The following TENM1 variants were observed in gnomAD, a reference collection of about 807,000 sequenced individuals.
The protein encoded by TENM1 is teneurin transmembrane protein 1, also known as teneurin-1.
Under a neutral mutation model 174.8 loss-of-function variants are expected in TENM1, and 35 were observed. The ratio of observed to expected loss-of-function variants is 0.20; its 90% CI spans 0.15 to 0.27. TENM1 has a LOEUF of 0.27. Ranked by LOEUF, TENM1 falls within the 10% of genes least tolerant of loss-of-function variation. The probability of loss-of-function intolerance (pLI) is 1.00; values close to 1 mark genes in which losing one functional copy is unlikely to be tolerated. For missense variants in TENM1, 1,633 were observed against 2,130.1 expected, an observed-to-expected ratio of 0.77 and a Z score of 4.59; for synonymous variants, 781 against 798.7, an observed-to-expected ratio of 0.98 and a Z score of 0.37.
chrX:124,553,797 G>C (rs1194732050), intron 14 of TENM1, among the ~76,000 whole-genome samples: 1 of 111,326 alleles, frequency 9.0e-6, no homozygotes, highest in Non-Finnish European at 1.9e-5. Context: ...GACTAGAACA[G>C]TACCTGGCTT....
intron 2 of TENM1, among the ~76,000 whole-genome samples, chrX:124,895,603 C>G (rs1381507441): frequency 4.5e-5 from 5 of 111,782 alleles, no homozygotes. Flanking sequence ...CTGTTCATCT[C>G]ACTGTTCATT....
At chrX:125,072,631 A>C in the TENM1 span, among the ~76,000 whole-genome samples, 30 of 111,755 alleles carry the variant, frequency 2.7e-4, no homozygotes, top group African/African-American at 9.4e-4. Context: ...CTTGGGAAAG[A>C]AATTGCACAC....
intron 28 of TENM1, 86 bp from the exon 32 acceptor site, chrX:124,386,150 C>G: frequency 3.3e-6 from 3 of 916,246 alleles, no homozygotes; most frequent in Non-Finnish European, 4.5e-6. Context: ...CCATTCAACA[C>G]AAATCAATCA....
At chrX:125,101,231 G>A in the TENM1 span, among the ~76,000 whole-genome samples, 2 of 111,855 alleles carry the variant, frequency 1.8e-5, no homozygotes, top group Non-Finnish European at 3.8e-5. Context: ...TTAACATGCA[G>A]TGTGTTGCCC....
At chrX:124,836,044 AG>A (rs1241927511) in intron 3 of TENM1, among the ~76,000 whole-genome samples, 2 of 111,981 alleles carry the variant, frequency 1.8e-5, no homozygotes, top group Non-Finnish European at 3.8e-5. Context: ...TTAAGGAATA[AG>A]CAGGTGAGAA....
At chrX:125,127,941 T>C in the TENM1 span, among the ~76,000 whole-genome samples, 1 of 111,463 alleles carries the variant, frequency 9.0e-6, no homozygotes, top group African/African-American at 3.3e-5. Flanking sequence ...TACTTTGATG[T>C]CACAGCCAAA....
At chrX:124,804,414 G>A (rs1332938228) in intron 3 of TENM1, among the ~76,000 whole-genome samples, 1 of 111,727 alleles carries the variant, frequency 9.0e-6, no homozygotes, top group Non-Finnish European at 1.9e-5. Context: ...CCAGTTCCTG[G>A]CTTAATACCT....
At chrX:124,684,433 G>A (rs2052311706) in intron 5 of TENM1, among the ~76,000 whole-genome samples, 1 of 112,684 alleles carries the variant, frequency 8.9e-6, no homozygotes, top group South Asian at 3.6e-4. Context: ...CCATGTGGCA[G>A]AAGAGAGTGA....
the TENM1 span, among the ~76,000 whole-genome samples, chrX:125,101,367 C>A: frequency 9.0e-6 from 1 of 111,675 alleles, no homozygotes; most frequent in South Asian, 3.7e-4. Context: ...GGGAACCCTG[C>A]AGAAGACCAT....
At chrX:124,764,532 TTTC>T (rs1223871778) in intron 3 of TENM1, among the ~76,000 whole-genome samples, 2 of 110,419 alleles carry the variant, frequency 1.8e-5, no homozygotes, top group African/African-American at 6.6e-5. Flanking sequence ...GAACAGGGAG[TTTC>T]TTATTTTATC....
At chrX:124,622,818 C>T (rs191111593) in intron 11 of TENM1, among the ~76,000 whole-genome samples, 66 of 111,602 alleles carry the variant, frequency 5.9e-4, no homozygotes, top group Non-Finnish European at 1.0e-3. Context: ...CTCTACAGTG[C>T]ACATACCAAT....
chrX:124,530,023 A>T, intron 15 of TENM1, 40 bp from the exon 19 acceptor site: 7 of 1,184,525 alleles, frequency 5.9e-6, no homozygotes, highest in Non-Finnish European at 7.9e-6. Context: ...AAGCATGTTG[A>T]GACTAGATTC....
intron 4 of TENM1, among the ~76,000 whole-genome samples, chrX:124,715,407 T>C (rs896641952): frequency 4.5e-5 from 5 of 110,609 alleles, no homozygotes; most frequent in African/African-American, 1.3e-4. Context: ...AAAAAAACTC[T>C]TCATTTTGTA....
intron 3 of TENM1, among the ~76,000 whole-genome samples, chrX:124,839,093 T>C (rs10126854): frequency 0.036 from 4,017 of 111,518 alleles, 96 homozygotes; most frequent in African/African-American, 0.08. Flanking sequence ...ATTCATACAA[T>C]GGAATATTAC....
intron 4 of TENM1, among the ~76,000 whole-genome samples, chrX:124,715,106 T>C (rs2053147695): frequency 8.9e-6 from 1 of 112,659 alleles, no homozygotes; most frequent in Admixed American, 9.4e-5. Flanking sequence ...CATATTTTCA[T>C]TCTCTTTATA....
chrX:124,471,227 AGTAC>A (rs1238114334), intron 22 of TENM1, among the ~76,000 whole-genome samples: 1 of 60,546 alleles, frequency 1.7e-5, no homozygotes, highest in Non-Finnish European at 2.8e-5. Flanking sequence ...TATAATATAT[AGTAC>A]TATATATAAT....
At chrX:124,712,018 G>A (rs968518557) in intron 4 of TENM1, among the ~76,000 whole-genome samples, 5 of 111,634 alleles carry the variant, frequency 4.5e-5, no homozygotes, top group East Asian at 2.8e-4. Flanking sequence ...CATTTGACAG[G>A]ATTTCCCTCA....
At chrX:125,200,654 T>TGTGAGAGAGAGAGAGAGAGAGAGAGAGA in the TENM1 span, among the ~76,000 whole-genome samples, 20 of 92,418 alleles carry the variant, frequency 2.2e-4, no homozygotes, top group African/African-American at 7.6e-4. Context: ...TGTGTGTGTG[T>TGTGAGAGAGAGAGAGAGAGAGAGAGAGA]GAGAGAGAGA....
intron 1 of TENM1, among the ~76,000 whole-genome samples, chrX:124,900,427 T>C (rs1002196819): frequency 3.3e-4 from 37 of 111,829 alleles, no homozygotes; most frequent in African/African-American, 1.2e-3. Flanking sequence ...ACAAAAAAAC[T>C]TTGGGGTGAT....
Sources: allele counts gnomAD v4.1 joint callset (sites outside exome capture counted in the v4.1 genomes callset), GRCh38; gene constraint gnomAD v4.1.1; transcripts MANE v1.5; gene names NCBI Gene and HGNC (gene_info 2026-07-23, HGNC 2026-07-21).